EPS15L1: variants seen among roughly 807,000 people sequenced by gnomAD.
The protein encoded by EPS15L1 is epidermal growth factor receptor substrate 15-like 1.
EPS15L1 carries 43 observed loss-of-function variants against 117.1 expected under a neutral mutation model. That is an observed-to-expected ratio of 0.37 (90% CI 0.29 to 0.47). The LOEUF (loss-of-function observed/expected upper bound fraction) is 0.47. Ranked by LOEUF, EPS15L1 falls within the 20% of genes least tolerant of loss-of-function variation. The probability of loss-of-function intolerance (pLI) is 0.99; values close to 1 mark genes in which losing one functional copy is unlikely to be tolerated. For synonymous variants in EPS15L1, 459 were observed against 470.5 expected (o/e 0.98, Z 0.32); for missense variants, 981 against 1,164.0 (o/e 0.84, Z 2.29).
At chr19:16,461,626 AAAAGAAAG>A (rs199970409) in intron 1 of EPS15L1, among the ~76,000 whole-genome samples, 1 of 151,928 alleles carries the variant, frequency 6.6e-6, no homozygotes. Context: ...TGTCTCAAAA[AAAAGAAAG>A]AAAGAAAGAA....
At position 16,385,760 on chromosome 19, in the gene EPS15L1, G is replaced by A. The variant is rs1487247641; in HGVS notation, c.2164+411C>T. Among the ~76,000 whole-genome samples, 6 of 151,524 alleles carry A rather than the reference G, an allele frequency of 4.0e-5. No homozygotes were observed. In the South Asian group the frequency reaches 8.3e-4, roughly 21 times the overall value. ...GCTCCCATTGCATAAAGGCTCGAGCGTGCATCTGCGAGTTCTACACTGTGA... is the reference window on the plus strand; with the variant it reads ...GCTCCCATTGCATAAAGGCTCGAGCATGCATCTGCGAGTTCTACACTGTGA... On this transcript the variant is annotated intron_variant, in intron 20 of 23. Coordinates refer to ENST00000455140, the MANE Select transcript of EPS15L1 (RefSeq NM_001258374.3).
At chr19:16,469,248 G>C (rs1214966983) in intron 1 of EPS15L1, among the ~76,000 whole-genome samples, 2 of 152,108 alleles carry the variant, frequency 1.3e-5, no homozygotes, top group African/African-American at 2.4e-5. Context: ...AGAGAGATAA[G>C]ATGCAGGTAG....
intron 19 of EPS15L1, among the ~76,000 whole-genome samples, chr19:16,391,371 G>A (rs117314160): frequency 6.6e-6 from 1 of 152,222 alleles, no homozygotes; most frequent in Non-Finnish European, 1.5e-5. Flanking sequence ...AGGTCTTAAG[G>A]ACATTAAAAA....
chr19:16,471,799 G>A lies in EPS15L1; in HGVS notation c.33+114C>T. On this transcript the variant is annotated intron_variant, in intron 1 of 23. Transcript: ENST00000455140. The surrounding 1 kb of genome is among the most constrained non-coding windows in gnomAD (Gnocchi z 4.8). ...CCACCCGCCCGCCGCAAGCCCTTCA[G>A]CACGCGCCGCCCCCGCCGCCGCCTG... 1 of 348,660 alleles carries A rather than the reference G, an allele frequency of 2.9e-6. No homozygotes were observed. 21.6% of individuals were successfully genotyped at this position (348,660 alleles called of 1,614,324 possible). A position where few individuals can be genotyped will look rare whatever the true frequency, so the allele number is the denominator to read the frequency against.
chr19:16,356,932 T>C (rs1335795926), intron 23 of EPS15L1: 2 of 152,210 alleles, frequency 1.3e-5, no homozygotes, highest in Non-Finnish European at 2.9e-5. Context: ...CCCTTATTAA[T>C]GTCTCTCTGC....
intron 1 of EPS15L1, among the ~76,000 whole-genome samples, chr19:16,464,323 G>A (rs1444566085): frequency 2.0e-5 from 3 of 152,180 alleles, no homozygotes; most frequent in Non-Finnish European, 4.4e-5. Context: ...CCATGCAGGA[G>A]CAAACTTCAG....
chr19:16,452,646 A>C (rs987974459), intron 1 of EPS15L1, among the ~76,000 whole-genome samples: 16 of 151,962 alleles, frequency 1.1e-4, no homozygotes, highest in Admixed American at 7.2e-4. Context: ...AAAAAAAAAA[A>C]AAAAACCTAA....
intron 22 of EPS15L1, 38 bp from the exon 23 acceptor site, chr19:16,362,022 G>C: frequency 6.5e-7 from 1 of 1,549,268 alleles, no homozygotes; most frequent in Non-Finnish European, 8.7e-7. Flanking sequence ...GAGAAAGAAA[G>C]AAATATGAGT....
At chr19:16,380,143 A>G (rs1489217260) in intron 21 of EPS15L1, among the ~76,000 whole-genome samples, 1 of 149,738 alleles carries the variant, frequency 6.7e-6, no homozygotes, top group Non-Finnish European at 1.5e-5. Flanking sequence ...CTAGTCGCAC[A>G]GACGCAGCCA....
chr19:16,376,242 G>A (rs1413689935), intron 22 of EPS15L1, among the ~76,000 whole-genome samples: 3 of 152,216 alleles, frequency 2.0e-5, no homozygotes, highest in South Asian at 2.1e-4. Context: ...AATAGGAGGC[G>A]TCCCAGACCG....
chr19:16,446,684 A>G (rs559491578), intron 1 of EPS15L1, among the ~76,000 whole-genome samples: 1 of 152,274 alleles, frequency 6.6e-6, no homozygotes, highest in South Asian at 2.1e-4. Flanking sequence ...CCCTGTAATG[A>G]CAGCCCAGGT....
rs1020026163 is a variant in EPS15L1 at position 16,413,248 on chromosome 19, C to T, written c.1266+525G>A. The T allele has an allele frequency of 4.7e-6, 3 of 643,700 alleles. No individual in the cohort carries two copies. The Admixed American group carries it at 6.6e-5, about 14-fold the overall frequency. 39.9% of individuals were successfully genotyped at this position (643,700 alleles called of 1,614,324 possible). A position where few individuals can be genotyped will look rare whatever the true frequency, so the allele number is the denominator to read the frequency against. On this transcript the variant is annotated intron_variant, in intron 13 of 23. Transcript: ENST00000455140. Reference sequence around the variant, plus strand: ...CCCCACATTGTCCCTTGCAAGGTGACAGGCCACTGCAACTCTGTGCTGGTG... The same window carrying T: ...CCCCACATTGTCCCTTGCAAGGTGATAGGCCACTGCAACTCTGTGCTGGTG...
At chr19:16,421,285 C>T in intron 10 of EPS15L1, 34 bp downstream of exon 10, 2 of 1,581,002 alleles carry the variant, frequency 1.3e-6, no homozygotes, top group Non-Finnish European at 1.7e-6. Flanking sequence ...CCTGGAGCCA[C>T]CCACAGCCAC....
rs963571213 is a variant in EPS15L1 at position 16,471,861 on chromosome 19, T to C, written c.33+52A>G. On this transcript the variant is annotated intron_variant, in intron 1 of 23. Coordinates refer to ENST00000455140, the MANE Select transcript of EPS15L1 (RefSeq NM_001258374.3). This position sits in a 1 kb window ranked among gnomAD's most constrained non-coding sequence, Gnocchi z 4.8. ...CAGCGCCTCAGCCTCGCCGCACCGC[T>C]CGCCTCGCGCCCCGCACCCCGGCGC... 10 of 1,142,288 alleles carry C rather than the reference T, an allele frequency of 8.8e-6. No individual in the cohort carries two copies. The highest frequency in any genetic ancestry group is 1.6e-5 in the African/African-American group (1 of 60,782). The allele number at this position is 1,142,288 out of a possible 1,614,324, so 70.8% of individuals were successfully genotyped here. A position where few individuals can be genotyped will look rare whatever the true frequency, so the allele number is the denominator to read the frequency against.
chr19:16,406,092 G>C (rs571527097), intron 13 of EPS15L1, among the ~76,000 whole-genome samples: 1 of 152,150 alleles, frequency 6.6e-6, no homozygotes, highest in African/African-American at 2.4e-5. Flanking sequence ...GGCTGAGTCC[G>C]AGAGCCAGCC....
chr19:16,467,928 A>T (rs1380338064), intron 1 of EPS15L1, among the ~76,000 whole-genome samples: 1 of 152,144 alleles, frequency 6.6e-6, no homozygotes, highest in African/African-American at 2.4e-5. Context: ...GTAAAAGGGG[A>T]ATAAAAGCCT....
intron 10 of EPS15L1, among the ~76,000 whole-genome samples, chr19:16,420,934 C>T (rs761592265): frequency 1.4e-4 from 22 of 152,228 alleles, no homozygotes; most frequent in Non-Finnish European, 2.5e-4. Flanking sequence ...CCCTGCCAGG[C>T]CACTCTGCTA....
Position 16,471,532 on chromosome 19 carries a change from G to A in EPS15L1, c.33+381C>T, listed in dbSNP as rs1014917748. ...TGCCCGCCCGGGCGCCGGGACCGGAGGGAGACAAAGACTCGCTGGGCCGCC... is the reference window on the plus strand; with the variant it reads ...TGCCCGCCCGGGCGCCGGGACCGGAAGGAGACAAAGACTCGCTGGGCCGCC... On this transcript the variant is annotated intron_variant, in intron 1 of 23. Coordinates refer to ENST00000455140, the MANE Select transcript of EPS15L1 (RefSeq NM_001258374.3). The surrounding 1 kb of genome is among the most constrained non-coding windows in gnomAD (Gnocchi z 4.8). Among the ~76,000 whole-genome samples the A allele has an allele frequency of 6.6e-6, 1 of 152,170 alleles. No individual in the cohort carries two copies. The highest frequency in any genetic ancestry group is 1.5e-5 in the Non-Finnish European group (1 of 68,024).
chr19:16,367,510 A>AC (rs1364385280), intron 22 of EPS15L1, among the ~76,000 whole-genome samples: 2 of 148,632 alleles, frequency 1.3e-5, no homozygotes, highest in East Asian at 1.9e-4. Context: ...AAAAAAAAAA[A>AC]AAAAAAAAAA....
Sources: allele counts gnomAD v4.1 joint callset (sites outside exome capture counted in the v4.1 genomes callset), GRCh38; gene constraint gnomAD v4.1.1; non-coding constraint Gnocchi (gnomAD v3.1); transcripts MANE v1.5; gene names NCBI Gene and HGNC (gene_info 2026-07-23, HGNC 2026-07-21).